The following SCFD2 variants were observed in gnomAD, a reference collection of about 807,000 sequenced individuals.
SCFD2 encodes the protein sec1 family domain-containing protein 2.
Under a neutral mutation model 58.9 loss-of-function variants are expected in SCFD2, and 54 were observed. The ratio of observed to expected loss-of-function variants is 0.92; its 90% CI spans 0.74 to 1.15. SCFD2 has a LOEUF of 1.15. SCFD2 is among the 50% of genes most tolerant of loss of function. SCFD2 has a pLI of 0.00. For synonymous variants in SCFD2, 321 were observed against 335.9 expected (o/e 0.96, Z 0.49); for missense variants, 805 against 836.6 (o/e 0.96, Z 0.47).
At chr4:53,160,952 T>G (rs924336419) in intron 4 of SCFD2, among the ~76,000 whole-genome samples, 6 of 152,204 alleles carry the variant, frequency 3.9e-5, no homozygotes, top group African/African-American at 1.4e-4. Context: ...GGAAAAAATG[T>G]GGTATATTCA....
At chr4:53,121,646 A>G (rs13118742) in intron 5 of SCFD2, among the ~76,000 whole-genome samples, 103,591 of 152,028 alleles carry the variant, frequency 0.68, 35,569 homozygotes, top group Non-Finnish European at 0.72. Flanking sequence ...TGGCAGAGCC[A>G]ACTGAATGCG....
intron 5 of SCFD2, among the ~76,000 whole-genome samples, chr4:52,986,231 T>TC (rs1310187830): frequency 6.7e-6 from 1 of 149,136 alleles, no homozygotes; most frequent in East Asian, 2.0e-4. Context: ...AGGGTAAAGT[T>TC]TTTTTTTTAA....
At chr4:52,992,764 T>A (rs1455515182) in intron 5 of SCFD2, among the ~76,000 whole-genome samples, 2 of 151,470 alleles carry the variant, frequency 1.3e-5, no homozygotes, top group Non-Finnish European at 2.9e-5. Flanking sequence ...CCGCCCCATG[T>A]GTGAAGTGAA....
At chr4:53,340,380 G>A (rs1262311742) in intron 2 of SCFD2, among the ~76,000 whole-genome samples, 1 of 152,218 alleles carries the variant, frequency 6.6e-6, no homozygotes, top group Non-Finnish European at 1.5e-5. Flanking sequence ...AGCAGTCTGA[G>A]ATCAAACTAC....
chr4:52,971,301 C>A (rs1304750409), intron 5 of SCFD2, among the ~76,000 whole-genome samples: 1 of 152,102 alleles, frequency 6.6e-6, no homozygotes, highest in African/African-American at 2.4e-5. Context: ...ACTAGAATAA[C>A]CAATGCAGAG....
At chr4:53,211,528 G>T (rs1233899005) in intron 4 of SCFD2, among the ~76,000 whole-genome samples, 5 of 152,120 alleles carry the variant, frequency 3.3e-5, no homozygotes, top group Non-Finnish European at 7.3e-5. Flanking sequence ...TAGAAGTTCT[G>T]CAGGCCAAGA....
At chr4:52,947,968 CAAAAAAAAAAA>C (rs34494471) in intron 5 of SCFD2, among the ~76,000 whole-genome samples, 2 of 35,202 alleles carry the variant, frequency 5.7e-5, no homozygotes, top group Non-Finnish European at 1.2e-4. Flanking sequence ...AAAAATAGGC[CAAAAAAAAAAA>C]AAAAAAAAAA....
intron 7 of SCFD2, among the ~76,000 whole-genome samples, chr4:52,895,121 T>A (rs1272192886): frequency 1.3e-5 from 2 of 152,094 alleles, no homozygotes; most frequent in African/African-American, 4.8e-5. Flanking sequence ...GTACAGATTG[T>A]ATTTTCCAAA....
At chr4:53,217,709 C>T (rs1424108654) in intron 4 of SCFD2, among the ~76,000 whole-genome samples, 1 of 152,082 alleles carries the variant, frequency 6.6e-6, no homozygotes, top group African/African-American at 2.4e-5. Context: ...TTATTTTGCT[C>T]CTTAGTTGAT....
chr4:53,031,002 G>A (rs750007124), intron 5 of SCFD2, among the ~76,000 whole-genome samples: 10 of 152,186 alleles, frequency 6.6e-5, no homozygotes, highest in Non-Finnish European at 1.3e-4. Flanking sequence ...CAAAGTGAAA[G>A]AAGCTATATT....
At chr4:52,985,457 T>C (rs1338747228) in intron 5 of SCFD2, among the ~76,000 whole-genome samples, 1 of 152,206 alleles carries the variant, frequency 6.6e-6, no homozygotes, top group Non-Finnish European at 1.5e-5. Context: ...GGATCCCAAA[T>C]GCATTTATAA....
intron 2 of SCFD2, among the ~76,000 whole-genome samples, chr4:53,336,655 G>A (rs1010962407): frequency 1.5e-4 from 23 of 152,086 alleles, no homozygotes; most frequent in African/African-American, 4.8e-4. Context: ...CTTCTGAGTA[G>A]CTAGACTACC....
At chr4:52,972,268 AC>A (rs1251505910) in intron 5 of SCFD2, among the ~76,000 whole-genome samples, 1 of 152,152 alleles carries the variant, frequency 6.6e-6, no homozygotes, top group African/African-American at 2.4e-5. Flanking sequence ...TATTCAGGAA[AC>A]CCATCTCATG....
chr4:53,341,314 A>G (rs1733864625), intron 2 of SCFD2, among the ~76,000 whole-genome samples: 1 of 152,222 alleles, frequency 6.6e-6, no homozygotes, highest in Middle Eastern at 3.2e-3. Flanking sequence ...ACACATGCAC[A>G]AGCTTCAGTA....
At chr4:53,219,508 G>T (rs1472860638) in intron 4 of SCFD2, among the ~76,000 whole-genome samples, 1 of 152,060 alleles carries the variant, frequency 6.6e-6, no homozygotes, top group Non-Finnish European at 1.5e-5. Context: ...CGGTGGGAGT[G>T]AACCGATTTT....
chr4:53,230,581 A>G (rs1296915966), intron 4 of SCFD2, among the ~76,000 whole-genome samples: 1 of 140,222 alleles, frequency 7.1e-6, no homozygotes, highest in Non-Finnish European at 1.5e-5. Context: ...CTGAGAACGC[A>G]TGGACACAGG....
At chr4:53,136,088 A>G (rs1400619987) in intron 5 of SCFD2, among the ~76,000 whole-genome samples, 1 of 152,210 alleles carries the variant, frequency 6.6e-6, no homozygotes, top group Non-Finnish European at 1.5e-5. Flanking sequence ...ATATTTGTAT[A>G]TTTATATGTG....
chr4:53,079,623 G>A (rs1323992020), intron 5 of SCFD2, among the ~76,000 whole-genome samples: 2 of 152,180 alleles, frequency 1.3e-5, no homozygotes, highest in Non-Finnish European at 2.9e-5. Context: ...ATATAGCACT[G>A]AGTTTATTGA....
intron 4 of SCFD2, among the ~76,000 whole-genome samples, chr4:53,254,232 G>T (rs1257824303): frequency 6.6e-6 from 1 of 152,154 alleles, no homozygotes; most frequent in African/African-American, 2.4e-5. Flanking sequence ...CGTGTCAAAA[G>T]CAGGACCAGG....
Sources: allele counts gnomAD v4.1 joint callset (sites outside exome capture counted in the v4.1 genomes callset), GRCh38; gene constraint gnomAD v4.1.1; transcripts MANE v1.5; gene names NCBI Gene and HGNC (gene_info 2026-07-23, HGNC 2026-07-21).